The following MYT1L variants were observed in gnomAD, a reference collection of about 807,000 sequenced individuals.
MYT1L encodes the protein myelin transcription factor 1 like.
In MYT1L, 12 loss-of-function variants were observed where a neutral mutation model predicts 126.7. The observed-to-expected ratio is 0.09, with a 90% confidence interval of 0.06 to 0.15. MYT1L has a LOEUF of 0.15. MYT1L is among the 10% of genes least tolerant of loss of function. The pLI, the probability that MYT1L is intolerant of heterozygous loss-of-function variation, is 1.00. For synonymous variants in MYT1L, 541 were observed against 604.2 expected, an observed-to-expected ratio of 0.90 and a Z score of 1.53; for missense variants, 979 against 1,585.2, an observed-to-expected ratio of 0.62 and a Z score of 6.49.
At chr2:1,890,831 G>A (rs1412169763) in intron 15 of MYT1L, among the ~76,000 whole-genome samples, 2 of 152,136 alleles carry the variant, frequency 1.3e-5, no homozygotes, top group African/African-American at 2.4e-5. Context: ...CATCCCCGGA[G>A]CTGTTACCTT....
chr2:1,837,920 T>C (rs1000935856), intron 21 of MYT1L, among the ~76,000 whole-genome samples: 1 of 151,974 alleles, frequency 6.6e-6, no homozygotes, highest in African/African-American at 2.4e-5. Context: ...TTTGTTTGTT[T>C]GTTTTTAATG....
At chr2:1,937,375 T>A (rs541324255) in intron 9 of MYT1L, among the ~76,000 whole-genome samples, 1 of 148,482 alleles carries the variant, frequency 6.7e-6, no homozygotes, top group East Asian at 2.1e-4. Flanking sequence ...AAGGCCCTAA[T>A]GTCCGCGGCC....
At chr2:1,876,456 T>A (rs1159566399) in intron 18 of MYT1L, among the ~76,000 whole-genome samples, 6 of 151,114 alleles carry the variant, frequency 4.0e-5, no homozygotes, top group Admixed American at 3.9e-4. Flanking sequence ...TCTCCTCCAC[T>A]CTCCACACAG....
intron 18 of MYT1L, among the ~76,000 whole-genome samples, chr2:1,871,273 G>C (rs900513629): frequency 4.6e-5 from 7 of 152,246 alleles, no homozygotes; most frequent in Non-Finnish European, 8.8e-5. Flanking sequence ...TGTGTGCCAA[G>C]ATCACGTGTC....
At chr2:1,957,099 G>C (rs1243088842) in intron 8 of MYT1L, among the ~76,000 whole-genome samples, 2 of 152,216 alleles carry the variant, frequency 1.3e-5, no homozygotes, top group African/African-American at 2.4e-5. Context: ...GCCGGGCACA[G>C]GGAGGGGTGC....
intron 3 of MYT1L, among the ~76,000 whole-genome samples, chr2:2,062,221 CTA>C (rs1229787542): frequency 1.3e-5 from 2 of 152,262 alleles, no homozygotes; most frequent in African/African-American, 4.8e-5. Context: ...CACATTAATA[CTA>C]TGTTTCTTAT....
chr2:1,835,629 GC>G (rs1380800270), intron 21 of MYT1L, among the ~76,000 whole-genome samples: 1 of 152,174 alleles, frequency 6.6e-6, no homozygotes, highest in East Asian at 1.9e-4. Flanking sequence ...GGCCTGGACT[GC>G]CCCTTTCCCC....
intron 4 of MYT1L, among the ~76,000 whole-genome samples, chr2:2,036,415 A>G (rs1397702769): frequency 4.9e-5 from 6 of 122,192 alleles, no homozygotes; most frequent in Non-Finnish European, 1.0e-4. Flanking sequence ...CCACCCTCCA[A>G]TGCGGGTGCA....
intron 8 of MYT1L, among the ~76,000 whole-genome samples, chr2:1,955,302 G>T (rs35578752): frequency 0.026 from 4,007 of 152,104 alleles, 67 homozygotes; most frequent in Non-Finnish European, 0.042. Flanking sequence ...ATTCAATTGT[G>T]AAATATGTAA....
intron 3 of MYT1L, among the ~76,000 whole-genome samples, chr2:2,075,600 T>C (rs1302517024): frequency 2.0e-5 from 3 of 152,196 alleles, no homozygotes; most frequent in Admixed American, 6.5e-5. Context: ...GTAAGAATCA[T>C]TGGAGGAGGG....
At chr2:2,217,654 G>A (rs1279950417) in intron 2 of MYT1L, among the ~76,000 whole-genome samples, 1 of 125,964 alleles carries the variant, frequency 7.9e-6, no homozygotes, top group African/African-American at 3.2e-5. Flanking sequence ...CTGGGGGACA[G>A]AACAAAACTC....
intron 3 of MYT1L, among the ~76,000 whole-genome samples, chr2:2,137,203 T>A (rs1454097019): frequency 6.6e-6 from 1 of 152,136 alleles, no homozygotes; most frequent in Non-Finnish European, 1.5e-5. Flanking sequence ...TACAAACAAA[T>A]GGAAGAACAT....
intron 3 of MYT1L, among the ~76,000 whole-genome samples, chr2:2,061,199 A>T (rs1054528459): frequency 6.6e-6 from 1 of 152,074 alleles, no homozygotes; most frequent in African/African-American, 2.4e-5. Context: ...CTAGTGGCTC[A>T]TTGTAAATGT....
At chr2:1,993,290 G>A (rs1438152081) in intron 5 of MYT1L, among the ~76,000 whole-genome samples, 1 of 152,126 alleles carries the variant, frequency 6.6e-6, no homozygotes, top group Non-Finnish European at 1.5e-5. Flanking sequence ...GCACACAGGG[G>A]TCCGCCAGGT....
intron 18 of MYT1L, among the ~76,000 whole-genome samples, chr2:1,853,784 T>G (rs1252270007): frequency 6.6e-6 from 1 of 152,202 alleles, no homozygotes; most frequent in Non-Finnish European, 1.5e-5. Flanking sequence ...ATGTTCTTTT[T>G]TGTTGGGGCA....
chr2:2,113,323 T>G (rs909909802), intron 3 of MYT1L, among the ~76,000 whole-genome samples: 2 of 152,168 alleles, frequency 1.3e-5, no homozygotes, highest in African/African-American at 4.8e-5. Flanking sequence ...CTAAGCCTGC[T>G]GTATGATCCA....
chr2:2,169,670 G>A (rs2089708607), intron 3 of MYT1L, among the ~76,000 whole-genome samples: 1 of 151,856 alleles, frequency 6.6e-6, no homozygotes, highest in Non-Finnish European at 1.5e-5. Context: ...TTGTTTTGTA[G>A]TTGCAGAGGA....
intron 15 of MYT1L, among the ~76,000 whole-genome samples, chr2:1,890,185 T>G (rs867417970): frequency 1.3e-5 from 2 of 152,114 alleles, no homozygotes; most frequent in Non-Finnish European, 2.9e-5. Context: ...TTCTCCTGTC[T>G]CAGCTTCCCA....
chr2:2,295,085 T>C (rs746861985), intron 1 of MYT1L, among the ~76,000 whole-genome samples: 4 of 152,178 alleles, frequency 2.6e-5, no homozygotes, highest in Non-Finnish European at 4.4e-5. Context: ...GTGTGAAATC[T>C]ATGATCCGCC....
Sources: allele counts gnomAD v4.1 joint callset (sites outside exome capture counted in the v4.1 genomes callset), GRCh38; gene constraint gnomAD v4.1.1; transcripts MANE v1.5; gene names NCBI Gene and HGNC (gene_info 2026-07-23, HGNC 2026-07-21).